Variants in RTN4 observed in about 807,000 individuals in gnomAD.
The protein encoded by RTN4 is reticulon 4, also known as reticulon-4.
In RTN4, 32 loss-of-function variants were observed where a neutral mutation model predicts 90.4. The ratio of observed to expected loss-of-function variants is 0.35; its 90% CI spans 0.27 to 0.48. The LOEUF (loss-of-function observed/expected upper bound fraction) is 0.48. RTN4 is among the 20% of genes least tolerant of loss of function. The probability of loss-of-function intolerance (pLI) is 0.99; values close to 1 mark genes in which losing one functional copy is unlikely to be tolerated. For missense variants in RTN4, 1,706 were observed against 1,430.2 expected (o/e 1.19, Z -3.11); for synonymous variants, 629 against 552.5 (o/e 1.14, Z -1.94).
At chr2:55,066,767 G>A (rs190351350) in intron 2 of RTN4, among the ~76,000 whole-genome samples, 570 of 151,986 alleles carry the variant, frequency 3.8e-3, no homozygotes, top group African/African-American at 0.013. Context: ...TCTTTTCTGC[G>A]TTTGTAAAAT....
chr2:55,000,255 T>C (rs1679758362), intron 3 of RTN4, among the ~76,000 whole-genome samples: 1 of 152,194 alleles, frequency 6.6e-6, no homozygotes, highest in African/African-American at 2.4e-5. Flanking sequence ...GGGTACCTGT[T>C]ACTGCTACAA....
At chr2:54,986,349 G>A (rs183479131) in intron 4 of RTN4, among the ~76,000 whole-genome samples, 1 of 152,336 alleles carries the variant, frequency 6.6e-6, no homozygotes, top group East Asian at 1.9e-4. Flanking sequence ...TAAAGGGCCA[G>A]ATAGTTAAGC....
intron 2 of RTN4, among the ~76,000 whole-genome samples, chr2:55,063,707 C>T (rs1262299191): frequency 2.6e-5 from 4 of 151,616 alleles, no homozygotes; most frequent in Non-Finnish European, 5.9e-5. Context: ...ATGGTAAAAC[C>T]CCGTCTCCAC....
chr2:55,011,272 C>T (rs1026693764), intron 3 of RTN4, among the ~76,000 whole-genome samples: 7 of 152,080 alleles, frequency 4.6e-5, no homozygotes, highest in Non-Finnish European at 8.8e-5. Context: ...AGCAATTCTC[C>T]CACCTCAGCC....
At chr2:54,976,410 G>A (rs1677637426) in intron 5 of RTN4, among the ~76,000 whole-genome samples, 1 of 152,158 alleles carries the variant, frequency 6.6e-6, no homozygotes, top group South Asian at 2.1e-4. Flanking sequence ...GGGCCAGGCA[G>A]GTGACATACA....
Position 55,110,885 on chromosome 2 carries a change from A to G in RTN4, c.-214+1635T>C, listed in dbSNP as rs540118547. Among the ~76,000 whole-genome samples, 364 of 152,304 alleles carry G rather than the reference A, an allele frequency of 2.4e-3. 1 individual carries two copies. Among genetic ancestry groups the G allele is most frequent in the East Asian group, 4.0e-3 (21 of 5,188 alleles). Reference sequence around the variant, plus strand: ...GCAAAACCCTGTCTCTACTAAAAATACAAAAATTAGCTGGGCGTGGTGGCA... The same window carrying G: ...GCAAAACCCTGTCTCTACTAAAAATGCAAAAATTAGCTGGGCGTGGTGGCA... On this transcript the variant is annotated intron_variant, in intron 1 of 3. Coordinates refer to the RTN4 transcript ENST00000427710.
At chr2:55,073,703 T>G (rs540546728) in intron 2 of RTN4, among the ~76,000 whole-genome samples, 1 of 152,384 alleles carries the variant, frequency 6.6e-6, no homozygotes. Flanking sequence ...TATCAATGGC[T>G]TTCTGGGGAC....
chr2:55,051,661 G>A (rs936135749), upstream of RTN4, among the ~76,000 whole-genome samples: 2 of 152,152 alleles, frequency 1.3e-5, no homozygotes, highest in African/African-American at 4.8e-5. Flanking sequence ...ACAGGTACTG[G>A]CTACTTGTGG....
At chr2:55,048,789 T>C (rs1023583489) in intron 1 of RTN4, among the ~76,000 whole-genome samples, 1 of 152,234 alleles carries the variant, frequency 6.6e-6, no homozygotes, top group Admixed American at 6.5e-5. Flanking sequence ...ATGGTAAATC[T>C]GCCACGAGTT....
intron 1 of RTN4, among the ~76,000 whole-genome samples, chr2:55,030,187 A>G (rs1478048607): frequency 2.0e-5 from 3 of 152,138 alleles, no homozygotes; most frequent in Non-Finnish European, 4.4e-5. Flanking sequence ...TTGTGCCATA[A>G]TTTTAAAGTA....
In RTN4 at chr2:54,998,809, T is replaced by C. The variant is rs184425061; in HGVS notation, c.3014-11111A>G. Among the ~76,000 whole-genome samples, 245 of 152,328 alleles carry C rather than the reference T, an allele frequency of 1.6e-3. 1 individual carries two copies. The highest frequency in any genetic ancestry group is 6.8e-3 in the Middle Eastern group (2 of 294). ...CACCAAAATGCTAATTTTGGATTCCTCAGTAATCACTTTAGTGGTTCCTTA... is the reference window on the plus strand; with the variant it reads ...CACCAAAATGCTAATTTTGGATTCCCCAGTAATCACTTTAGTGGTTCCTTA... On this transcript the variant is annotated intron_variant, in intron 3 of 8. Transcript: ENST00000337526.
At chr2:55,057,436 T>A (rs1403851639) in intron 2 of RTN4, among the ~76,000 whole-genome samples, 1 of 152,154 alleles carries the variant, frequency 6.6e-6, no homozygotes, top group African/African-American at 2.4e-5. Context: ...GTTAGCAAAT[T>A]GTATAAGGAA....
In RTN4 at chr2:55,050,276, G is replaced by C. The variant is rs781446286; in HGVS notation, c.25C>G (p.Leu9Val). 1.3e-5 allele frequency: 19 copies of C among 1,487,412 alleles called. No homozygotes were observed. The African/African-American group carries it at 2.8e-4, about 22-fold the overall frequency. The allele number at this position is 1,487,412 out of a possible 1,614,324, so 92.1% of individuals were successfully genotyped here. A position where few individuals can be genotyped will look rare whatever the true frequency, so the allele number is the denominator to read the frequency against. MEDLDQSP[L>V]VSSSDSPPRP... Reference sequence around the variant, plus strand: ...GGTGGGCTGTCCGAGGACGAGACCAGAGGAGACTGGTCCAGGTCTTCCATG... The same window carrying C: ...GGTGGGCTGTCCGAGGACGAGACCACAGGAGACTGGTCCAGGTCTTCCATG... The change falls in exon 1 of 9, where the codon CTG (leucine) becomes GTG (valine). Residue 9 changes from leucine (L) to valine (V), a missense_variant. Physicochemically the swap from Leu to Val is conservative, Grantham distance 32. Transcript: ENST00000337526. The surrounding 1 kb of genome is among the most constrained non-coding windows in gnomAD (Gnocchi z 4.6).
At position 55,049,840 on chromosome 2, in the gene RTN4, TG is replaced by T; in HGVS notation, c.460del (p.Gln154ArgfsTer46). Reference sequence around the variant, plus strand: ...TGGCGGGGTCCACACGGGCTCTGCCTGGGGGCTCACGCTGGCCGGGGGAGGA... The same window carrying T: ...TGGCGGGGTCCACACGGGCTCTGCCTGGGGCTCACGCTGGCCGGGGGAGGA... ...PPPPPASVSP[Q>X]AEPVWTPPAP... On this transcript the variant is annotated frameshift_variant, in exon 1 of 9. Transcript: ENST00000337526. LOFTEE classifies it high-confidence loss of function. 1.3e-6 allele frequency: 1 copy of T among 788,268 alleles called. No individual in the cohort carries two copies. Among genetic ancestry groups the T allele is most frequent in the Non-Finnish European group, 1.5e-6 (1 of 645,394 alleles). 48.8% of individuals were successfully genotyped at this position (788,268 alleles called of 1,614,324 possible).
chr2:55,099,236 T>C (rs969911726), intron 1 of RTN4, among the ~76,000 whole-genome samples: 3 of 152,138 alleles, frequency 2.0e-5, no homozygotes, highest in African/African-American at 7.2e-5. Flanking sequence ...ATCAGTTCAA[T>C]AATGAGTTGC....
chr2:55,006,711 T>G (rs984157003), intron 3 of RTN4, among the ~76,000 whole-genome samples: 1 of 152,148 alleles, frequency 6.6e-6, no homozygotes, highest in Non-Finnish European at 1.5e-5. Context: ...GCACCTACTT[T>G]TAAAATTTAA....
In RTN4 at chr2:55,026,279, G is replaced by A; in HGVS notation, c.1820C>T (p.Pro607Leu). Reference sequence around the variant, plus strand: ...AACAATGTCAGGCAAAACTGGTGAAGGAGTAGCTTCTGACTCTTCAAATGA... The same window carrying A: ...AACAATGTCAGGCAAAACTGGTGAAAGAGTAGCTTCTGACTCTTCAAATGA... Reference protein sequence around the residue: ...CPSFEESEATPSPVLPDIVME... With the variant: ...CPSFEESEATLSPVLPDIVME... Residue 607 changes from proline to leucine, a missense_variant, in exon 3 of 9, where the codon CCT (proline) becomes CTT (leucine). Coordinates refer to ENST00000337526, the MANE Select transcript of RTN4 (RefSeq NM_020532.5). The A allele has an allele frequency of 6.2e-7, 1 of 1,613,946 alleles. No individual in the cohort carries two copies. Among genetic ancestry groups the A allele is most frequent in the Non-Finnish European group, 8.5e-7 (1 of 1,179,914 alleles).
At chr2:55,043,358 A>T (rs1683198344) in intron 1 of RTN4, among the ~76,000 whole-genome samples, 1 of 152,214 alleles carries the variant, frequency 6.6e-6, no homozygotes, top group Non-Finnish European at 1.5e-5. Flanking sequence ...ATAGCCATTC[A>T]GTTTATACTT....
chr2:55,111,852 T>A (rs1042916077), intron 1 of RTN4, among the ~76,000 whole-genome samples: 1 of 152,226 alleles, frequency 6.6e-6, no homozygotes, highest in African/African-American at 2.4e-5. Context: ...TCTTCCCGAA[T>A]GCTGCCTGCC....
Sources: gnomAD v4.1 joint callset for allele counts (sites outside exome capture counted in the v4.1 genomes callset) on GRCh38, gnomAD v4.1.1 for gene constraint, Gnocchi (gnomAD v3.1) non-coding constraint, MANE v1.5 for transcripts, NCBI Gene and HGNC (gene_info 2026-07-23, HGNC 2026-07-21) for gene names.